The following GLB1 variants were observed in gnomAD, a reference collection of about 807,000 sequenced individuals.
GLB1 encodes the protein galactosidase beta 1.
A neutral mutation model predicts 74.0 loss-of-function variants in GLB1; 56 were observed. That is an observed-to-expected ratio of 0.76 (90% CI 0.61 to 0.94). GLB1 has a LOEUF of 0.94. Among genes scored for constraint, GLB1 ranks in the 40% least tolerant of loss-of-function variants. The pLI is 0.00. For synonymous variants in GLB1, 323 were observed against 323.6 expected (o/e 1.00, Z 0.02); for missense variants, 787 against 845.5 (o/e 0.93, Z 0.86).
intron 5 of GLB1, among the ~76,000 whole-genome samples, chr3:33,062,664 T>C (rs1161893308): frequency 1.3e-5 from 2 of 152,142 alleles, no homozygotes; most frequent in African/African-American, 4.8e-5. Context: ...TGCCCGCACC[T>C]GTAGTCCCAG....
downstream of GLB1, among the ~76,000 whole-genome samples, chr3:32,992,055 C>A (rs1696237093): frequency 6.6e-6 from 1 of 152,208 alleles, no homozygotes; most frequent in Admixed American, 6.5e-5. Context: ...TGAGAACAAG[C>A]CAACAGAATC....
At chr3:33,009,122 A>AAATAAAT (rs1696908372) in intron 15 of GLB1, among the ~76,000 whole-genome samples, 1 of 137,442 alleles carries the variant, frequency 7.3e-6, no homozygotes, top group Non-Finnish European at 1.6e-5. Context: ...TCCATCTTAA[A>AAATAAAT]AAATAAATAA....
intron 4 of GLB1, among the ~76,000 whole-genome samples, chr3:33,066,050 T>C (rs1377503736): frequency 6.6e-6 from 1 of 151,378 alleles, no homozygotes; most frequent in African/African-American, 2.4e-5. Context: ...GCAGCAGAGA[T>C]CAGGATATAC....
chr3:32,978,812 G>A, the GLB1 span, among the ~76,000 whole-genome samples: 1 of 145,424 alleles, frequency 6.9e-6, no homozygotes, highest in Admixed American at 6.9e-5. Flanking sequence ...CCAGGCTGGA[G>A]TGCAGCGACA....
chr3:33,010,871 T>C (rs1257508227), intron 15 of GLB1, among the ~76,000 whole-genome samples: 1 of 152,192 alleles, frequency 6.6e-6, no homozygotes, highest in East Asian at 1.9e-4. Context: ...TTTGTTTTGT[T>C]TTTGAGACAC....
At chr3:33,086,777 A>C (rs1700517132) in intron 1 of GLB1, among the ~76,000 whole-genome samples, 1 of 152,166 alleles carries the variant, frequency 6.6e-6, no homozygotes, top group South Asian at 2.1e-4. Flanking sequence ...ATAAATGATA[A>C]AAAATAAGGA....
At chr3:32,963,288 C>T in the GLB1 span, among the ~76,000 whole-genome samples, 1 of 151,688 alleles carries the variant, frequency 6.6e-6, no homozygotes, top group Non-Finnish European at 1.5e-5. Flanking sequence ...AAATTCCAAA[C>T]AGAAAAAAAA....
intron 10 of GLB1, among the ~76,000 whole-genome samples, chr3:33,043,790 T>A (rs1698614894): frequency 8.2e-6 from 1 of 121,428 alleles, no homozygotes; most frequent in Non-Finnish European, 1.7e-5. Context: ...CTCAGAAAAA[T>A]ACCAAGCAAA....
chr3:32,989,452 T>C, the GLB1 span, among the ~76,000 whole-genome samples: 1 of 152,184 alleles, frequency 6.6e-6, no homozygotes, highest in Non-Finnish European at 1.5e-5. Context: ...AGAGATATGA[T>C]AGTGGGTTTT....
intron 1 of GLB1, chr3:33,094,132 C>G (rs149442180): frequency 5.6e-6 from 9 of 1,613,706 alleles, no homozygotes; most frequent in African/African-American, 4.0e-5. Flanking sequence ...ATCATGGACA[C>G]GAAGACAGTG....
intron 15 of GLB1, among the ~76,000 whole-genome samples, chr3:32,998,236 A>G (rs1294949538): frequency 1.3e-5 from 2 of 152,236 alleles, no homozygotes; most frequent in African/African-American, 4.8e-5. Context: ...GGCTGAGTGC[A>G]GTGGCTCATG....
At position 33,093,076 on chromosome 3, in the gene GLB1, C is replaced by A; in HGVS notation, c.75+3935G>T. The A allele has an allele frequency of 6.2e-7, 1 of 1,614,190 alleles. No homozygotes were observed. The highest frequency in any genetic ancestry group is 1.1e-5 in the South Asian group (1 of 91,078). The stretch of plus-strand genomic sequence containing the variant: ...GGCCGAGCCTGGAGAGCTCTCTTGG[C>A]AGCCAGGGGCTGGTGAGCTAGCAAG... On this transcript the variant is annotated intron_variant, in intron 1 of 15. Coordinates refer to ENST00000307363, the MANE Select transcript of GLB1 (RefSeq NM_000404.4). The surrounding 1 kb of genome is among the most constrained non-coding windows in gnomAD (Gnocchi z 6.0).
At position 33,042,456 on chromosome 3, in the gene GLB1, C is replaced by T. The variant is rs532960550; in HGVS notation, c.1068+3664G>A. On this transcript the variant is annotated intron_variant, in intron 10 of 15. Coordinates refer to ENST00000307363, the MANE Select transcript of GLB1 (RefSeq NM_000404.4). ...GATCTCGGCTCACTGCAAGCTCCAC[C>T]TCCCGGGTTCACGCCATTCTTCTGC... Among the ~76,000 whole-genome samples the T allele has an allele frequency of 4.1e-5, 6 of 146,640 alleles. No individual in the cohort carries two copies. In the Admixed American group the frequency reaches 4.2e-4, roughly 10 times the overall value.
At chr3:33,080,330 C>T (rs937134833) in intron 1 of GLB1, among the ~76,000 whole-genome samples, 2 of 152,176 alleles carry the variant, frequency 1.3e-5, no homozygotes, top group Admixed American at 1.3e-4. Flanking sequence ...TCCGCCGCCT[C>T]GGCTTCCCAA....
intron 1 of GLB1, chr3:33,090,753 A>G: frequency 3.0e-6 from 3 of 985,446 alleles, no homozygotes; most frequent in Non-Finnish European, 3.6e-6. Context: ...CAGGGAATAC[A>G]AACCACATAC....
intron 2 of GLB1, among the ~76,000 whole-genome samples, chr3:33,071,873 G>T (rs1348333093): frequency 1.3e-5 from 2 of 152,100 alleles, no homozygotes; most frequent in Non-Finnish European, 2.9e-5. Context: ...TCCATACCCA[G>T]AAGGAAGGAA....
chr3:33,094,057 G>A (rs1389115867), intron 1 of GLB1: 5 of 1,614,124 alleles, frequency 3.1e-6, no homozygotes, highest in Admixed American at 1.7e-5. Flanking sequence ...AGGGCAAGCT[G>A]CAAGCGAAGC....
chr3:32,993,981 A>C (rs1033412093), downstream of GLB1, among the ~76,000 whole-genome samples: 1 of 152,126 alleles, frequency 6.6e-6, no homozygotes, highest in Non-Finnish European at 1.5e-5. Context: ...TTCATTATTC[A>C]CTATCTTCAA....
chr3:32,963,601 A>T, the GLB1 span, among the ~76,000 whole-genome samples: 2 of 150,244 alleles, frequency 1.3e-5, no homozygotes, highest in African/African-American at 2.5e-5. Flanking sequence ...GTACTTTTCT[A>T]TATGGTTGAA....
Sources: allele counts gnomAD v4.1 joint callset (sites outside exome capture counted in the v4.1 genomes callset), GRCh38; gene constraint gnomAD v4.1.1; non-coding constraint Gnocchi (gnomAD v3.1); transcripts MANE v1.5; gene names NCBI Gene and HGNC (gene_info 2026-07-23, HGNC 2026-07-21).